ANKRD13C: variants seen among roughly 807,000 people sequenced by gnomAD.
ANKRD13C encodes the protein ankyrin repeat domain 13C, also known as ankyrin repeat domain-containing protein 13C.
ANKRD13C carries 16 observed loss-of-function variants against 65.5 expected under a neutral mutation model. The observed-to-expected ratio is 0.24, with a 90% CI of 0.17 to 0.37. The LOEUF (loss-of-function observed/expected upper bound fraction) is 0.37, where lower values mean the gene tolerates loss of function less well. ANKRD13C is among the 10% of genes least tolerant of loss of function. The probability of loss-of-function intolerance (pLI) is 1.00; values close to 1 mark genes in which losing one functional copy is unlikely to be tolerated. For missense variants in ANKRD13C, 503 were observed against 655.9 expected (o/e 0.77, Z 2.55); for synonymous variants, 235 against 238.7 (o/e 0.98, Z 0.14).
chr1:70,327,988 C>T (rs1681615588), intron 2 of ANKRD13C, among the ~76,000 whole-genome samples: 2 of 152,012 alleles, frequency 1.3e-5, no homozygotes, highest in African/African-American at 4.8e-5. Flanking sequence ...CTGCTTGAAC[C>T]CAGAAGGCGG....
intron 9 of ANKRD13C, among the ~76,000 whole-genome samples, chr1:70,289,661 A>T (rs1679774834): frequency 1.4e-5 from 2 of 147,322 alleles, no homozygotes; most frequent in Non-Finnish European, 1.5e-5. Flanking sequence ...TATTTTTAGT[A>T]GAGACGGGGT....
intron 1 of ANKRD13C, among the ~76,000 whole-genome samples, chr1:70,338,002 G>A (rs1682124918): frequency 6.6e-6 from 1 of 152,114 alleles, no homozygotes; most frequent in South Asian, 2.1e-4. Flanking sequence ...AGGAGGCTGA[G>A]GCAGGAGAAT....
intron 6 of ANKRD13C, among the ~76,000 whole-genome samples, chr1:70,303,777 T>A (rs1035590352): frequency 6.6e-6 from 1 of 152,228 alleles, no homozygotes; most frequent in Non-Finnish European, 1.5e-5. Context: ...AATAGCAAGT[T>A]TTTATTTAAT....
Position 70,354,067 on chromosome 1 carries a change from G to C in ANKRD13C, c.342C>G (p.Tyr114Ter). 6.2e-7 allele frequency: 1 copy of C among 1,608,262 alleles called. No individual in the cohort carries two copies. The highest frequency in any genetic ancestry group is 8.5e-7 in the Non-Finnish European group (1 of 1,176,442). ...CCTTGAAGACGCACTCGTGCACCGG[G>C]TAGTGTGCGGGGCAACTGCCTCCAT... ...VADGGSCPAH[Y>*]PVHECVFKGD... is the part of the protein sequence containing the mutation. The change falls in exon 1 of 13, where the codon TAC (tyrosine) becomes TAG (stop). Residue 114 changes from tyrosine to a stop codon, truncating the protein, a stop_gained. Coordinates refer to ENST00000370944, the MANE Select transcript of ANKRD13C (RefSeq NM_030816.5). LOFTEE classifies it high-confidence loss of function.
chr1:70,309,435 T>C (rs995556126), intron 5 of ANKRD13C, among the ~76,000 whole-genome samples: 3 of 148,022 alleles, frequency 2.0e-5, no homozygotes, highest in South Asian at 4.4e-4. Context: ...ATACAAATAA[T>C]AGGCCGGGCG....
Position 70,354,351 on chromosome 1 carries a change from C to T in ANKRD13C, c.58G>A (p.Gly20Arg), listed in dbSNP as rs946196088. The change falls in exon 1 of 13, where the codon GGG (glycine) becomes AGG (arginine). Residue 20 changes from glycine (G) to arginine (R), a missense_variant. Gly to Arg is a moderately radical substitution (Grantham distance 125). This residue lies in a region of ANKRD13C where 203 missense variants were observed against 177.6 expected (regional missense o/e 1.14). Coordinates refer to ENST00000370944, the MANE Select transcript of ANKRD13C (RefSeq NM_030816.5). ...TCATCCCCGGGCTCCAGCAGGTCCC[C>T]TTCTTCTTTGCTGGGCTTGTGGTCC... ...RRDHKPSKEE[G>R]DLLEPGDEEA... The T allele has an allele frequency of 1.2e-6, 2 of 1,614,136 alleles. No homozygotes were observed. The highest frequency in any genetic ancestry group is 1.7e-6 in the Non-Finnish European group (2 of 1,180,016).
At position 70,354,655 on chromosome 1, in the gene ANKRD13C, T is replaced by C; in HGVS notation, c.-247A>G. 3.2e-6 allele frequency: 3 copies of C among 940,888 alleles called. No homozygotes were observed. The highest frequency in any genetic ancestry group is 4.6e-6 in the Non-Finnish European group (3 of 651,218). The allele number at this position is 940,888 out of a possible 1,614,324, so 58.3% of individuals were successfully genotyped here. A position where few individuals can be genotyped will look rare whatever the true frequency, so the allele number is the denominator to read the frequency against. ...GGTGCCCACGACACCAGGATCTCAG[T>C]CTCGCCGTCGCAGCCGCCGTCGCTG... On this transcript the variant is annotated 5_prime_UTR_variant, in exon 1 of 13. Transcript: ENST00000370944.
intron 5 of ANKRD13C, among the ~76,000 whole-genome samples, chr1:70,312,126 C>T (rs1368940051): frequency 1.3e-5 from 2 of 151,900 alleles, no homozygotes; most frequent in Non-Finnish European, 2.9e-5. Flanking sequence ...GAAGAAATAA[C>T]AAGTATAATT....
intron 2 of ANKRD13C, among the ~76,000 whole-genome samples, chr1:70,329,237 A>C (rs1485994366): frequency 2.0e-5 from 3 of 152,228 alleles, no homozygotes; most frequent in Non-Finnish European, 2.9e-5. Context: ...AAAATCATTA[A>C]AGAAAAAAAT....
rs373094133 is a variant in ANKRD13C, at chr1:70,346,817, C to T, written c.430+7162G>A. Among the ~76,000 whole-genome samples the T allele has an allele frequency of 1.9e-3, 293 of 152,224 alleles. 2 individuals carry two copies. The highest frequency in any genetic ancestry group is 6.6e-3 in the African/African-American group (274 of 41,532). On this transcript the variant is annotated intron_variant, in intron 1 of 12. Coordinates refer to ENST00000370944, the MANE Select transcript of ANKRD13C (RefSeq NM_030816.5). ...TTAAAATCAAATTGTGTCGGGCGGGCGCGGTGGCTCACGCCTGTAATCCCA... is the reference window on the plus strand; with the variant it reads ...TTAAAATCAAATTGTGTCGGGCGGGTGCGGTGGCTCACGCCTGTAATCCCA...
intron 9 of ANKRD13C, among the ~76,000 whole-genome samples, chr1:70,286,949 C>T (rs1210628706): frequency 1.3e-5 from 2 of 152,048 alleles, no homozygotes; most frequent in African/African-American, 4.8e-5. Context: ...CGTGCCACTG[C>T]ACTCCAGCCT....
chr1:70,306,080 T>C, intron 6 of ANKRD13C, 144 bp downstream of exon 6: 1 of 454,246 alleles, frequency 2.2e-6, no homozygotes, highest in African/African-American at 2.0e-5. Flanking sequence ...TTTTTATCTA[T>C]TATGTCTCGA....
At position 70,309,978 on chromosome 1, in the gene ANKRD13C, T is replaced by C. The variant is rs181838714; in HGVS notation, c.710-3688A>G. 2.6e-4 allele frequency among the ~76,000 whole-genome samples: 40 copies of C among 152,240 alleles called. No homozygotes were observed. In the East Asian group the frequency reaches 7.5e-3, roughly 29 times the overall value. ...AGTTTGCAACAGGTGGGGTAGTTAG[T>C]ATTATCCTCATTTTAAAAATGAAGA... is the stretch of plus-strand genomic sequence containing the variant. On this transcript the variant is annotated intron_variant, in intron 5 of 12. Coordinates refer to ENST00000370944, the MANE Select transcript of ANKRD13C (RefSeq NM_030816.5).
chr1:70,298,206 T>A (rs766791594), intron 7 of ANKRD13C, among the ~76,000 whole-genome samples: 3 of 152,194 alleles, frequency 2.0e-5, no homozygotes, highest in African/African-American at 7.2e-5. Flanking sequence ...GAACACTGTA[T>A]AACCCATTGT....
rs1205176333 is a variant in ANKRD13C at position 70,288,683 on chromosome 1, A to G, written c.1215+3705T>C. 1.3e-5 allele frequency among the ~76,000 whole-genome samples: 2 copies of G among 152,248 alleles called. 1 individual carries two copies. The highest frequency in any genetic ancestry group is 2.9e-5 in the Non-Finnish European group (2 of 68,040). On this transcript the variant is annotated intron_variant, in intron 9 of 12. Transcript: ENST00000370944. The stretch of plus-strand genomic sequence containing the variant: ...TCCATTTATAGAACATCCTTGAAAC[A>G]GCAACACTAAAGAAATGGAAGAACA...
At chr1:70,293,222 T>A (rs1428952573) in intron 8 of ANKRD13C, among the ~76,000 whole-genome samples, 3 of 152,112 alleles carry the variant, frequency 2.0e-5, no homozygotes, top group Admixed American at 6.6e-5. Flanking sequence ...CTCTTAAACC[T>A]TCAACATTAA....
intron 2 of ANKRD13C, among the ~76,000 whole-genome samples, chr1:70,332,017 T>G (rs1006514540): frequency 1.3e-5 from 2 of 151,850 alleles, no homozygotes; most frequent in East Asian, 1.9e-4. Flanking sequence ...AAAAAAAGGG[T>G]GCACAACTGG....
intron 12 of ANKRD13C, among the ~76,000 whole-genome samples, chr1:70,267,769 A>C (rs1276659613): frequency 1.3e-5 from 2 of 151,588 alleles, no homozygotes; most frequent in African/African-American, 4.9e-5. Context: ...TTTTTGAGTT[A>C]TCTCTTTTTA....
chr1:70,326,534 C>T (rs1341285276), intron 2 of ANKRD13C, among the ~76,000 whole-genome samples: 3 of 151,960 alleles, frequency 2.0e-5, no homozygotes, highest in African/African-American at 7.3e-5. Flanking sequence ...AGCACTATTC[C>T]TAGTGATAGA....
Sources: allele counts gnomAD v4.1 joint callset (sites outside exome capture counted in the v4.1 genomes callset), GRCh38; gene constraint gnomAD v4.1.1; regional missense constraint gnomAD v4.1.1; transcripts MANE v1.5; gene names NCBI Gene and HGNC (gene_info 2026-07-23, HGNC 2026-07-21).